Variants in SYNE2 observed in about 807,000 individuals in gnomAD.
The protein encoded by SYNE2 is spectrin repeat containing nuclear envelope protein 2.
SYNE2 carries 431 observed loss-of-function variants against 856.3 expected under a neutral mutation model. The ratio of observed to expected loss-of-function variants is 0.50; its 90% confidence interval spans 0.47 to 0.55. The LOEUF is 0.55. Among genes scored for constraint, SYNE2 ranks in the 20% least tolerant of loss-of-function variants. The probability of loss-of-function intolerance (pLI) is 0.00; values close to 1 mark genes in which losing one functional copy is unlikely to be tolerated. For synonymous variants in SYNE2, 2,923 were observed against 2,872.3 expected (o/e 1.02, Z -0.56); for missense variants, 8,129 against 8,023.2 (o/e 1.01, Z -0.50).
chr14:63,926,514 A>G (rs1008823981), intron 2 of SYNE2, among the ~76,000 whole-genome samples: 24 of 152,216 alleles, frequency 1.6e-4, no homozygotes, highest in African/African-American at 5.5e-4. Flanking sequence ...TAACTCTGCC[A>G]TTGTAGCATG....
intron 6 of SYNE2, among the ~76,000 whole-genome samples, chr14:63,946,170 C>G (rs2096023436): frequency 6.6e-6 from 1 of 151,878 alleles, no homozygotes; most frequent in South Asian, 2.1e-4. Context: ...GGCTGTAATC[C>G]CAGCACTTTG....
chr14:64,051,898 A>G lies in SYNE2; in HGVS notation c.7985A>G (p.Asn2662Ser). The G allele has an allele frequency of 6.2e-7, 1 of 1,613,930 alleles. No individual in the cohort carries two copies. ...RLKSPEERAG[N>S]QSMIALTTDL... The stretch of plus-strand genomic sequence containing the variant: ...AAGTCTCCAGAAGAACGGGCAGGGA[A>G]CCAAAGCATGATTGCCTTGACCACT... Residue 2662 changes from asparagine (N) to serine (S), a missense_variant, in exon 48 of 116, where the codon AAC becomes AGC. Coordinates refer to ENST00000555002, the MANE Select transcript of SYNE2 (RefSeq NM_182914.3).
In SYNE2 at chr14:64,221,723, G is replaced by A. The variant is rs2140413763; in HGVS notation, c.20190+19G>A. 6.2e-7 allele frequency: 1 copy of A among 1,613,004 alleles called. No individual in the cohort carries two copies. The highest frequency in any genetic ancestry group is 8.5e-7 in the Non-Finnish European group (1 of 1,179,466). Reference sequence around the variant, plus strand: ...ACTAATGGTAAGTTTCCTCCCAAGGGCTCTGTACTGCCACCAGCCTCTGTC... The same window carrying A: ...ACTAATGGTAAGTTTCCTCCCAAGGACTCTGTACTGCCACCAGCCTCTGTC... On this transcript the variant is annotated intron_variant, in intron 112 of 115. Transcript: ENST00000555002.
In SYNE2 at chr14:63,823,848, T is replaced by C. The variant is rs535735742; in HGVS notation, c.-304-28653T>C. 2.6e-5 allele frequency among the ~76,000 whole-genome samples: 4 copies of C among 151,924 alleles called. No individual in the cohort carries two copies. The South Asian group carries it at 8.3e-4, about 32-fold the overall frequency. On this transcript the variant is annotated intron_variant, in intron 1 of 23. Transcript: ENST00000674003. ...AACAGAGTCTCCCTATGTTGTCCAG[T>C]CTGGTCTCAAATTCCTGGGCTCAAG...
intron 1 of SYNE2, among the ~76,000 whole-genome samples, chr14:63,803,592 C>T (rs1006058960): frequency 6.6e-6 from 1 of 152,238 alleles, no homozygotes; most frequent in African/African-American, 2.4e-5. Flanking sequence ...CCGCCCGGAA[C>T]TCCAGCTGGC....
At chr14:64,174,617 A>G (rs2098425490) in intron 94 of SYNE2, among the ~76,000 whole-genome samples, 2 of 151,878 alleles carry the variant, frequency 1.3e-5, no homozygotes, top group African/African-American at 2.4e-5. Flanking sequence ...CTTTCTTAAT[A>G]CTCTTAGATC....
chr14:64,191,986 C>T (rs968126968), intron 99 of SYNE2, among the ~76,000 whole-genome samples: 7 of 152,156 alleles, frequency 4.6e-5, no homozygotes, highest in Admixed American at 4.6e-4. Flanking sequence ...GGATATGTGT[C>T]ATGCCTTTGG....
intron 2 of SYNE2, among the ~76,000 whole-genome samples, chr14:63,928,773 G>T (rs2095705892): frequency 6.6e-6 from 1 of 151,970 alleles, no homozygotes; most frequent in African/African-American, 2.4e-5. Context: ...AGATTTTTTG[G>T]GTGGGCTGTT....
intron 45 of SYNE2, among the ~76,000 whole-genome samples, chr14:64,040,028 TCTAAATTTATA>T (rs1359071086): frequency 6.6e-6 from 1 of 152,176 alleles, no homozygotes; most frequent in Non-Finnish European, 1.5e-5. Context: ...AGGTTTTGAG[TCTAAATTTATA>T]CTAATTGCAT....
intron 1 of SYNE2, among the ~76,000 whole-genome samples, chr14:63,867,058 C>T (rs1895554260): frequency 6.6e-6 from 1 of 152,224 alleles, no homozygotes; most frequent in Non-Finnish European, 1.5e-5. Flanking sequence ...GCCTATAACA[C>T]AGAAACCATC....
At chr14:64,219,165 G>GT in intron 109 of SYNE2, 43 bp from the exon 110 acceptor site, 1 of 1,040,264 alleles carries the variant, frequency 9.6e-7, no homozygotes, top group Non-Finnish European at 1.4e-6. Flanking sequence ...AGAGAAATCT[G>GT]TTGCATTATT....
chr14:63,786,486 A>G (rs1340617071), intron 1 of SYNE2, among the ~76,000 whole-genome samples: 7 of 152,124 alleles, frequency 4.6e-5, no homozygotes, highest in Admixed American at 4.6e-4. Flanking sequence ...AACTACTTTC[A>G]TCATTTATAA....
chr14:63,990,279 A>G lies in SYNE2; in HGVS notation c.2314-132A>G, dbSNP rs147225227. On this transcript the variant is annotated intron_variant, in intron 19 of 115. Transcript: ENST00000555002. ...TTTCAAAATGACTCCTTAAAATATC[A>G]TTTTTCAGAATGCAAATTTGCCTGA... is the stretch of plus-strand genomic sequence containing the variant. 153 of 778,416 alleles carry G rather than the reference A, an allele frequency of 2.0e-4. No individual in the cohort carries two copies. The African/African-American group carries it at 2.2e-3, about 11-fold the overall frequency. The allele number at this position is 778,416 out of a possible 1,614,324, so 48.2% of individuals were successfully genotyped here.
At chr14:64,155,463 A>G (rs955567083) in intron 85 of SYNE2, among the ~76,000 whole-genome samples, 3 of 152,164 alleles carry the variant, frequency 2.0e-5, no homozygotes, top group African/African-American at 7.2e-5. Flanking sequence ...AGTGACTGCT[A>G]ATAGTTATGC....
intron 49 of SYNE2, among the ~76,000 whole-genome samples, chr14:64,061,180 C>T (rs760120307): frequency 1.1e-4 from 17 of 152,162 alleles, no homozygotes; most frequent in Admixed American, 2.6e-4. Flanking sequence ...GGAGGATGAT[C>T]AGTAGAGGCT....
intron 1 of SYNE2, among the ~76,000 whole-genome samples, chr14:63,818,045 A>AAAG (rs1486946770): frequency 1.7e-4 from 26 of 150,448 alleles, no homozygotes; most frequent in South Asian, 1.5e-3. Context: ...AAAAAAAAAA[A>AAAG]ACAAATAAAT....
chr14:63,915,994 A>G (rs1429387814), intron 2 of SYNE2, among the ~76,000 whole-genome samples: 3 of 152,202 alleles, frequency 2.0e-5, no homozygotes, highest in Non-Finnish European at 2.9e-5. Flanking sequence ...CCAATCATGC[A>G]CAGTGGTCTA....
intron 31 of SYNE2, 121 bp from the exon 32 acceptor site, chr14:64,009,845 A>G (rs965954280): frequency 2.0e-4 from 171 of 837,340 alleles, no homozygotes; most frequent in Non-Finnish European, 2.2e-4. Flanking sequence ...AGTATTAAGA[A>G]CCACATCAAG....
chr14:63,766,292 C>T (rs1470739890), intron 1 of SYNE2, among the ~76,000 whole-genome samples: 1 of 152,024 alleles, frequency 6.6e-6, no homozygotes, highest in Non-Finnish European at 1.5e-5. Context: ...GTTGGCCAGG[C>T]TGGTCTTGAA....
Sources: allele counts gnomAD v4.1 joint callset (sites outside exome capture counted in the v4.1 genomes callset), GRCh38; gene constraint gnomAD v4.1.1; transcripts MANE v1.5; gene names NCBI Gene and HGNC (gene_info 2026-07-23, HGNC 2026-07-21).